GPHN: variants seen among roughly 807,000 people sequenced by gnomAD.
GPHN encodes the protein gephyrin.
A neutral mutation model predicts 95.5 loss-of-function variants in GPHN; 17 were observed. The observed-to-expected ratio is 0.18, with a 90% CI of 0.12 to 0.27. The LOEUF (loss-of-function observed/expected upper bound fraction) is 0.27. Among genes scored for constraint, GPHN ranks in the 10% least tolerant of loss-of-function variants. The pLI is 1.00. For missense variants in GPHN, 660 were observed against 978.1 expected, an observed-to-expected ratio of 0.67 and a Z score of 4.34; for synonymous variants, 320 against 322.5, an observed-to-expected ratio of 0.99 and a Z score of 0.08.
intron 1 of GPHN, among the ~76,000 whole-genome samples, chr14:66,679,182 G>T (rs2066795660): frequency 6.6e-6 from 1 of 152,184 alleles, no homozygotes; most frequent in Non-Finnish European, 1.5e-5. Flanking sequence ...GGCACACATG[G>T]GTGCCTTCAT....
the GPHN span, among the ~76,000 whole-genome samples, chr14:67,560,971 T>C: frequency 6.6e-6 from 1 of 152,150 alleles, no homozygotes; most frequent in African/African-American, 2.4e-5. Flanking sequence ...CCTCAGGTGA[T>C]CTGCCCGCCT....
At chr14:67,241,880 C>G in the GPHN span, 1 of 151,948 alleles carries the variant, frequency 6.6e-6, no homozygotes, top group Non-Finnish European at 1.5e-5. Flanking sequence ...TCTCCGAGGT[C>G]GCGACGCGCG....
At chr14:66,614,087 T>G (rs753276547) in intron 1 of GPHN, among the ~76,000 whole-genome samples, 9 of 152,188 alleles carry the variant, frequency 5.9e-5, no homozygotes, top group African/African-American at 2.2e-4. Flanking sequence ...TTTGTTGTTA[T>G]GTGCACAAAC....
chr14:66,582,946 T>C (rs1201133846), intron 1 of GPHN, among the ~76,000 whole-genome samples: 1 of 152,228 alleles, frequency 6.6e-6, no homozygotes, highest in African/African-American at 2.4e-5. Context: ...TCTAAATCCC[T>C]GAGGAATCGC....
At chr14:67,716,064 G>A in the GPHN span, among the ~76,000 whole-genome samples, 1 of 152,120 alleles carries the variant, frequency 6.6e-6, no homozygotes, top group African/African-American at 2.4e-5. Context: ...GGGGGTGGTA[G>A]CCGGTGCCTG....
chr14:67,673,827 G>C, the GPHN span, among the ~76,000 whole-genome samples: 5 of 152,104 alleles, frequency 3.3e-5, no homozygotes, highest in African/African-American at 1.2e-4. Flanking sequence ...GAAATTAAGG[G>C]GTAGTAAACA....
intron 17 of GPHN, among the ~76,000 whole-genome samples, chr14:67,136,032 T>A (rs2080058209): frequency 1.3e-5 from 2 of 152,260 alleles, no homozygotes; most frequent in Non-Finnish European, 2.9e-5. Context: ...AGTGTTAATG[T>A]CATAATTGAA....
intron 1 of GPHN, among the ~76,000 whole-genome samples, chr14:66,628,705 T>G (rs1009490291): frequency 2.0e-5 from 3 of 152,110 alleles, no homozygotes; most frequent in African/African-American, 4.8e-5. Flanking sequence ...TTTTTTAGTT[T>G]ATAAACTTCT....
At chr14:67,505,046 A>G in the GPHN span, among the ~76,000 whole-genome samples, 1 of 152,166 alleles carries the variant, frequency 6.6e-6, no homozygotes, top group Non-Finnish European at 1.5e-5. Context: ...TTAATCAGCA[A>G]ATTGACTCAA....
chr14:67,102,851 C>T (rs1393591492), intron 13 of GPHN, among the ~76,000 whole-genome samples: 1 of 152,280 alleles, frequency 6.6e-6, no homozygotes, highest in African/African-American at 2.4e-5. Flanking sequence ...CTAGCTTCTT[C>T]ATTTTAGCAT....
chr14:67,693,164 T>C, the GPHN span: 3,426 of 654,946 alleles, frequency 5.2e-3, 117 homozygotes, highest in Admixed American at 0.071. Flanking sequence ...CTTTCCACTG[T>C]TGTCCTTTTA....
At chr14:67,059,125 T>G (rs1420804619) in intron 11 of GPHN, 7 of 367,770 alleles carry the variant, frequency 1.9e-5, no homozygotes, top group Non-Finnish European at 3.4e-5. Context: ...AGTAGTTAAC[T>G]CTGAGTCTGT....
intron 19 of GPHN, among the ~76,000 whole-genome samples, chr14:67,164,261 C>CT (rs1394769318): frequency 8.9e-6 from 1 of 111,820 alleles, no homozygotes; most frequent in Non-Finnish European, 1.7e-5. Context: ...AAGAGCAAAA[C>CT]TCCATCTCCA....
intron 1 of GPHN, among the ~76,000 whole-genome samples, chr14:66,629,200 AATAT>A (rs975872817): frequency 1.5e-4 from 22 of 142,550 alleles, no homozygotes; most frequent in Non-Finnish European, 3.0e-5. Flanking sequence ...TATGTATATA[AATAT>A]ATATTTATAT....
intron 11 of GPHN, among the ~76,000 whole-genome samples, chr14:67,061,047 T>C (rs2075806531): frequency 6.6e-6 from 1 of 152,222 alleles, no homozygotes; most frequent in Non-Finnish European, 1.5e-5. Flanking sequence ...TTTTTCTTTT[T>C]TTTATTTTTC....
chr14:66,894,855 A>G (rs1231843029), intron 5 of GPHN, among the ~76,000 whole-genome samples: 2 of 152,194 alleles, frequency 1.3e-5, no homozygotes, highest in African/African-American at 2.4e-5. Context: ...AAGTCAGGAA[A>G]CAACAGGTGC....
At chr14:66,542,383 G>A (rs1188718863) in intron 1 of GPHN, among the ~76,000 whole-genome samples, 3 of 152,130 alleles carry the variant, frequency 2.0e-5, no homozygotes, top group African/African-American at 7.2e-5. Flanking sequence ...TCTCTCAGCT[G>A]ATGATTTTGG....
chr14:67,277,804 C>T, the GPHN span, among the ~76,000 whole-genome samples: 3 of 151,996 alleles, frequency 2.0e-5, no homozygotes, highest in Non-Finnish European at 4.4e-5. Flanking sequence ...TCATGTGAAA[C>T]TCAGAACTGT....
the GPHN span, among the ~76,000 whole-genome samples, chr14:67,549,969 G>A: frequency 2.1e-3 from 321 of 152,178 alleles, 1 homozygote; most frequent in Middle Eastern, 0.017. Flanking sequence ...GCCTTACCCC[G>A]GGCCCCATTC....
Sources: allele counts gnomAD v4.1 joint callset (sites outside exome capture counted in the v4.1 genomes callset), GRCh38; gene constraint gnomAD v4.1.1; transcripts MANE v1.5; gene names NCBI Gene and HGNC (gene_info 2026-07-23, HGNC 2026-07-21).